Variants in TFCP2L1 observed in about 807,000 individuals in gnomAD.
TFCP2L1 encodes the protein transcription factor CP2-like protein 1.
In TFCP2L1, 12 loss-of-function variants were observed where a neutral mutation model predicts 72.2. The observed-to-expected ratio is 0.17, with a 90% CI of 0.11 to 0.27. The LOEUF (loss-of-function observed/expected upper bound fraction) is 0.27, where lower values mean the gene tolerates loss of function less well. Among genes scored for constraint, TFCP2L1 ranks in the 10% least tolerant of loss-of-function variants. The pLI is 1.00. For synonymous variants in TFCP2L1, 260 were observed against 251.0 expected (o/e 1.04, Z -0.34); for missense variants, 488 against 624.6 (o/e 0.78, Z 2.33).
intron 2 of TFCP2L1, among the ~76,000 whole-genome samples, chr2:121,272,782 A>G (rs1471340557): frequency 6.6e-6 from 1 of 152,146 alleles, no homozygotes; most frequent in Non-Finnish European, 1.5e-5. Context: ...TTTTACCCAT[A>G]TGGCAGCACC....
intron 5 of TFCP2L1, among the ~76,000 whole-genome samples, 164 bp downstream of exon 5, chr2:121,248,000 T>A (rs912284563): frequency 2.0e-5 from 3 of 152,242 alleles, no homozygotes; most frequent in Non-Finnish European, 4.4e-5. Flanking sequence ...ATGAGCTCTG[T>A]GACTCTTTGC....
At chr2:121,241,803 C>T (rs1424439760) in intron 7 of TFCP2L1, among the ~76,000 whole-genome samples, 2 of 152,016 alleles carry the variant, frequency 1.3e-5, no homozygotes, top group Admixed American at 6.5e-5. Flanking sequence ...TGCCATGCAG[C>T]TGGGTAAGGA....
intron 1 of TFCP2L1, among the ~76,000 whole-genome samples, chr2:121,282,319 T>TAAAAA (rs539101704): frequency 3.5e-5 from 3 of 86,284 alleles, no homozygotes; most frequent in Non-Finnish European, 6.6e-5. Flanking sequence ...CTCTCCACAT[T>TAAAAA]AAAAAAAAAA....
Position 121,224,224 on chromosome 2 carries a change from G to T in TFCP2L1, c.*117C>A. On this transcript the variant is annotated 3_prime_UTR_variant, in exon 15 of 15. Transcript: ENST00000263707. ...CTCTGTAGCTTTCACAGACTGGGCA[G>T]GGTCCCTCCTGGCCTCAGCTTGCCT... 1 of 1,178,884 alleles carries T rather than the reference G, an allele frequency of 8.5e-7. No individual in the cohort carries two copies. Among genetic ancestry groups the T allele is most frequent in the Non-Finnish European group, 1.2e-6 (1 of 810,886 alleles). 73.0% of individuals were successfully genotyped at this position (1,178,884 alleles called of 1,614,324 possible). A position where few individuals can be genotyped will look rare whatever the true frequency, so the allele number is the denominator to read the frequency against.
In TFCP2L1 at chr2:121,231,902, T is replaced by C. The variant is rs1686150934; in HGVS notation, c.1265A>G (p.Tyr422Cys). Residue 422 changes from tyrosine (Y) to cysteine (C), a missense_variant, in exon 13 of 15, where the codon TAC (tyrosine) becomes TGC (cysteine). By Grantham distance (194) the Tyr-to-Cys change is radical (BLOSUM62 -2). Around this residue, in one of 3 missense-constraint regions of TFCP2L1, gnomAD observed 286 missense variants for 329.0 expected, o/e 0.87. Coordinates refer to ENST00000263707, the MANE Select transcript of TFCP2L1 (RefSeq NM_014553.3). Reference sequence around the variant, plus strand: ...GTGGATGTGCTGGGGGGAGATGCTGTACAGGTTGGCGATCTTCTCAATCAG... The same window carrying C: ...GTGGATGTGCTGGGGGGAGATGCTGCACAGGTTGGCGATCTTCTCAATCAG... ...LELIEKIANLYSISPQHIHRV... is the reference protein window; with the variant it reads ...LELIEKIANLCSISPQHIHRV... The C allele has an allele frequency of 1.2e-6, 2 of 1,613,626 alleles. No individual in the cohort carries two copies. The highest frequency in any genetic ancestry group is 1.7e-6 in the Non-Finnish European group (2 of 1,179,726).
chr2:121,256,338 A>G (rs1573381842), intron 2 of TFCP2L1, among the ~76,000 whole-genome samples: 1 of 152,252 alleles, frequency 6.6e-6, no homozygotes, highest in East Asian at 1.9e-4. Context: ...AATAGGAAAG[A>G]ACGAGGAGCC....
intron 13 of TFCP2L1, among the ~76,000 whole-genome samples, chr2:121,226,550 CGTCCTACAA>C (rs1182121027): frequency 1.3e-5 from 2 of 151,996 alleles, no homozygotes; most frequent in African/African-American, 4.8e-5. Flanking sequence ...TGCACATCAG[CGTCCTACAA>C]AGACAAAATA....
rs765345579 is a variant in TFCP2L1 at position 121,234,194 on chromosome 2, C to A, written c.1095G>T (p.Arg365=). The part of the protein sequence containing the change: ...GIRLFNAIKG[R]NVRPKMTIYV... The stretch of plus-strand genomic sequence containing the variant: ...AAATGGTCATCTTTGGCCTCACATT[C>A]CTGGCAGGAGAAGAGAAAATAAATA... The change falls in exon 12 of 15, where the codon CGG becomes CGT. Residue 365 remains arginine (R), a splice_region_variant and synonymous_variant. Transcript: ENST00000263707. 1 of 1,613,996 alleles carries A rather than the reference C, an allele frequency of 6.2e-7. No homozygotes were observed. The highest frequency in any genetic ancestry group is 8.5e-7 in the Non-Finnish European group (1 of 1,179,882).
At chr2:121,234,320 G>C in intron 11 of TFCP2L1, 126 bp from the exon 12 acceptor site, 1 of 865,450 alleles carries the variant, frequency 1.2e-6, no homozygotes, top group Non-Finnish European at 1.8e-6. Flanking sequence ...TGGTGACGTG[G>C]AGTGCCTGTC....
chr2:121,284,982 G>T, intron 1 of TFCP2L1, 66 bp downstream of exon 1: 1 of 1,385,408 alleles, frequency 7.2e-7, no homozygotes. Flanking sequence ...TCCGCCCCTG[G>T]ACGTCCAACG....
intron 10 of TFCP2L1, among the ~76,000 whole-genome samples, chr2:121,235,858 G>A (rs577926956): frequency 6.6e-6 from 1 of 152,068 alleles, no homozygotes; most frequent in South Asian, 2.1e-4. Flanking sequence ...CCAGGACCCA[G>A]CACTCAGAGC....
intron 2 of TFCP2L1, among the ~76,000 whole-genome samples, chr2:121,256,732 C>T (rs888888860): frequency 6.6e-6 from 1 of 151,764 alleles, no homozygotes; most frequent in African/African-American, 2.4e-5. Context: ...GGCAAGATGG[C>T]GTCATTGCAC....
At chr2:121,242,072 C>T (rs1315632090) in intron 7 of TFCP2L1, among the ~76,000 whole-genome samples, 3 of 86,682 alleles carry the variant, frequency 3.5e-5, no homozygotes, top group African/African-American at 1.5e-4. Context: ...CATGTGAATA[C>T]ATTACCTACT....
chr2:121,235,119 C>A (rs1420716049), intron 11 of TFCP2L1, 102 bp downstream of exon 11: 27 of 1,294,442 alleles, frequency 2.1e-5, no homozygotes, highest in Middle Eastern at 3.7e-4. Flanking sequence ...CCTGTCCCCC[C>A]AGCCAGACCA....
intron 6 of TFCP2L1, 109 bp from the exon 7 acceptor site, chr2:121,242,578 C>G: frequency 9.8e-7 from 1 of 1,020,460 alleles, no homozygotes; most frequent in African/African-American, 1.6e-5. Context: ...CAGGGAGGAA[C>G]TCAGGGGCAG....
At chr2:121,270,984 G>A (rs560198566) in intron 2 of TFCP2L1, among the ~76,000 whole-genome samples, 136 of 151,500 alleles carry the variant, frequency 9.0e-4, no homozygotes, top group African/African-American at 2.9e-3. Context: ...GAAGTCAGGA[G>A]TTCGAAACCA....
chr2:121,241,858 G>A (rs1686375596), intron 7 of TFCP2L1, among the ~76,000 whole-genome samples: 1 of 151,942 alleles, frequency 6.6e-6, no homozygotes, highest in Non-Finnish European at 1.5e-5. Context: ...GCTAATAATG[G>A]AAAAAAGCAA....
chr2:121,231,793 CGTTGT>C, intron 13 of TFCP2L1, 28 bp downstream of exon 13: 1 of 1,608,138 alleles, frequency 6.2e-7, no homozygotes, highest in Non-Finnish European at 8.5e-7. Context: ...GCCCAGAGCC[CGTTGT>C]CGGGGCAGGC....
At chr2:121,257,688 G>T (rs1046600853) in intron 2 of TFCP2L1, among the ~76,000 whole-genome samples, 2 of 152,212 alleles carry the variant, frequency 1.3e-5, no homozygotes, top group African/African-American at 2.4e-5. Flanking sequence ...ACATAAGACC[G>T]CCCACACTAT....
Sources: gnomAD v4.1 joint callset for allele counts (sites outside exome capture counted in the v4.1 genomes callset) on GRCh38, gnomAD v4.1.1 for gene constraint, gnomAD v4.1.1 regional missense constraint, MANE v1.5 for transcripts, NCBI Gene and HGNC (gene_info 2026-07-23, HGNC 2026-07-21) for gene names.